The following PPP1R12A variants were observed in gnomAD, a reference collection of about 807,000 sequenced individuals.
PPP1R12A encodes protein phosphatase 1 regulatory subunit 12A.
PPP1R12A carries 19 observed loss-of-function variants against 139.6 expected under a neutral mutation model. The ratio of observed to expected loss-of-function variants is 0.14; its 90% CI spans 0.09 to 0.20. PPP1R12A has a LOEUF of 0.20. Ranked by LOEUF, PPP1R12A falls within the 10% of genes least tolerant of loss-of-function variation. The probability of loss-of-function intolerance (pLI) is 1.00; values close to 1 mark genes in which losing one functional copy is unlikely to be tolerated. For synonymous variants in PPP1R12A, 427 were observed against 420.6 expected, an observed-to-expected ratio of 1.02 and a Z score of -0.19; for missense variants, 925 against 1,211.5, an observed-to-expected ratio of 0.76 and a Z score of 3.51.
At chr12:79,822,899 T>C (rs1210290204) in intron 5 of PPP1R12A, among the ~76,000 whole-genome samples, 1 of 152,034 alleles carries the variant, frequency 6.6e-6, no homozygotes, top group African/African-American at 2.4e-5. Flanking sequence ...TTTCATTTTC[T>C]TCAACATACA....
At chr12:79,935,225 T>G, upstream of PPP1R12A, 3 of 1,258,686 alleles carry the variant, frequency 2.4e-6, no homozygotes, top group Non-Finnish European at 3.0e-6. Context: ...GAGGCGCCCT[T>G]CGACCAGTGC....
chr12:79,842,634 TGCA>T (rs1300413822), intron 3 of PPP1R12A, among the ~76,000 whole-genome samples: 1 of 150,948 alleles, frequency 6.6e-6, no homozygotes, highest in African/African-American at 2.4e-5. Context: ...CCAAAGGTAC[TGCA>T]GAAGTAATCA....
intron 22 of PPP1R12A, among the ~76,000 whole-genome samples, chr12:79,783,454 C>T (rs1177528376): frequency 2.0e-5 from 3 of 151,652 alleles, no homozygotes; most frequent in South Asian, 2.1e-4. Context: ...AGTGACACAG[C>T]GAGATGCTGT....
chr12:79,921,782 C>G (rs1306844856), intron 1 of PPP1R12A, among the ~76,000 whole-genome samples: 1 of 152,158 alleles, frequency 6.6e-6, no homozygotes, highest in African/African-American at 2.4e-5. Context: ...TAAATGAATA[C>G]AGATATTGTT....
intron 3 of PPP1R12A, among the ~76,000 whole-genome samples, chr12:79,840,921 C>T (rs541128587): frequency 9.5e-4 from 144 of 152,190 alleles, no homozygotes; most frequent in African/African-American, 2.9e-3. Context: ...CACTATCTGG[C>T]TCTGACCTAT....
chr12:79,889,202 TAAA>T (rs1168202687), intron 1 of PPP1R12A, among the ~76,000 whole-genome samples: 1 of 152,174 alleles, frequency 6.6e-6, no homozygotes, highest in Non-Finnish European at 1.5e-5. Flanking sequence ...GGATTATCTC[TAAA>T]AAGATACAGA....
intron 19 of PPP1R12A, among the ~76,000 whole-genome samples, chr12:79,792,804 T>C (rs1461716625): frequency 6.6e-6 from 1 of 152,152 alleles, no homozygotes; most frequent in Non-Finnish European, 1.5e-5. Context: ...AGAAGGGACA[T>C]AGGTAAATTG....
rs575710670 is a variant in PPP1R12A at position 79,828,313 on chromosome 12, C to A, written c.792+7G>T. 1.2e-5 allele frequency: 20 copies of A among 1,600,304 alleles called. No homozygotes were observed. The African/African-American group carries it at 2.6e-4, about 20-fold the overall frequency. On this transcript the variant is annotated splice_region_variant and intron_variant, in intron 5 of 24. Transcript: ENST00000450142. Reference sequence around the variant, plus strand: ...TTAAAGTATTAAAATACGTTTAAAACGCCTACCACTTTGTTGACCATCTCC... The same window carrying A: ...TTAAAGTATTAAAATACGTTTAAAAAGCCTACCACTTTGTTGACCATCTCC...
chr12:79,856,636 C>T (rs905708646), intron 2 of PPP1R12A, among the ~76,000 whole-genome samples: 2 of 152,204 alleles, frequency 1.3e-5, no homozygotes, highest in African/African-American at 4.8e-5. Context: ...AGTACACAAT[C>T]CTTCTAGTTC....
At chr12:79,779,332 T>TA in intron 23 of PPP1R12A, 2 of 1,289,136 alleles carry the variant, frequency 1.6e-6, no homozygotes, top group South Asian at 2.5e-5. Context: ...GCCCAGAAGA[T>TA]ACTGACTCTT....
chr12:79,777,526 T>C, intron 24 of PPP1R12A: 1 of 985,320 alleles, frequency 1.0e-6, no homozygotes, highest in South Asian at 4.7e-5. Flanking sequence ...AATTATAGGT[T>C]CACAGACTGC....
rs560312166 is a variant in PPP1R12A, at chr12:79,773,772, AAT to A, written c.*2155_*2156del. Reference sequence around the variant, plus strand: ...TGAAAAAATACCCATGCAGAATTTAAATATCTCAGAACAAAATTTAAAATGTC... The same window carrying A: ...TGAAAAAATACCCATGCAGAATTTAAATCTCAGAACAAAATTTAAAATGTC... On this transcript the variant is annotated 3_prime_UTR_variant, in exon 25 of 25. Coordinates refer to ENST00000450142, the MANE Select transcript of PPP1R12A (RefSeq NM_002480.3). The A allele has an allele frequency of 3.0e-3, 452 of 152,332 alleles. 2 individuals are homozygous for A. The highest frequency in any genetic ancestry group is 0.01 in the African/African-American group (424 of 41,592). 9.4% of individuals were successfully genotyped at this position (152,332 alleles called of 1,614,324 possible). A position where few individuals can be genotyped will look rare whatever the true frequency, so the allele number is the denominator to read the frequency against.
At chr12:79,872,288 T>C (rs900271869) in intron 2 of PPP1R12A, among the ~76,000 whole-genome samples, 5 of 152,130 alleles carry the variant, frequency 3.3e-5, no homozygotes, top group African/African-American at 1.2e-4. Flanking sequence ...AAAAATCAGA[T>C]GTTCTTAGTG....
chr12:79,890,905 C>A (rs3994990), intron 1 of PPP1R12A, among the ~76,000 whole-genome samples: 10,367 of 115,716 alleles, frequency 0.09, 655 homozygotes, highest in East Asian at 0.35. Flanking sequence ...CCACACCCAC[C>A]CACACACACA....
chr12:79,842,708 CT>C (rs1002284417), intron 3 of PPP1R12A, among the ~76,000 whole-genome samples: 7 of 147,662 alleles, frequency 4.7e-5, no homozygotes, highest in Admixed American at 6.8e-5. Flanking sequence ...ACCATCTTAA[CT>C]TTTTTTTTTG....
intron 11 of PPP1R12A, among the ~76,000 whole-genome samples, chr12:79,808,067 A>C (rs923735798): frequency 3.3e-5 from 5 of 151,712 alleles, no homozygotes; most frequent in African/African-American, 1.2e-4. Flanking sequence ...AAAAATAATT[A>C]AATTAAAAAA....
In PPP1R12A at chr12:79,788,630, AC is replaced by A; in HGVS notation, c.2802+17del. 1.9e-6 allele frequency: 3 copies of A among 1,583,984 alleles called. No individual in the cohort carries two copies. The highest frequency in any genetic ancestry group is 2.6e-6 in the Non-Finnish European group (3 of 1,168,720). On this transcript the variant is annotated intron_variant, in intron 21 of 24. Transcript: ENST00000450142. ...AAAAGATAACTTTTTATTAAATATA[AC>A]TAAATAACCCAAGTACCTTTTTAAA...
chr12:79,873,356 T>C (rs1013789575), intron 1 of PPP1R12A, among the ~76,000 whole-genome samples: 4 of 152,156 alleles, frequency 2.6e-5, no homozygotes, highest in Admixed American at 6.5e-5. Context: ...TTCCCTTTTT[T>C]ACTTTGTTGA....
intron 8 of PPP1R12A, chr12:79,818,867 A>G (rs1050459429): frequency 6.6e-6 from 1 of 152,228 alleles, no homozygotes; most frequent in Non-Finnish European, 1.5e-5. Context: ...TAACCTTACA[A>G]AAAGTAGAAA....
Sources: allele counts gnomAD v4.1 joint callset (sites outside exome capture counted in the v4.1 genomes callset), GRCh38; gene constraint gnomAD v4.1.1; transcripts MANE v1.5; gene names NCBI Gene and HGNC (gene_info 2026-07-23, HGNC 2026-07-21).